The following GRM5 variants were observed in gnomAD, a reference collection of about 807,000 sequenced individuals.
GRM5 encodes metabotropic glutamate receptor 5.
In GRM5, 19 loss-of-function variants were observed where a neutral mutation model predicts 83.1. The ratio of observed to expected loss-of-function variants is 0.23; its 90% confidence interval spans 0.16 to 0.34. The LOEUF is 0.34. GRM5 is among the 10% of genes least tolerant of loss of function. The pLI is 1.00. For synonymous variants in GRM5, 675 were observed against 633.6 expected (o/e 1.07, Z -0.98); for missense variants, 1,160 against 1,588.3 (o/e 0.73, Z 4.58).
At chr11:88,972,177 A>C (rs1488548013) in intron 2 of GRM5, among the ~76,000 whole-genome samples, 1 of 152,138 alleles carries the variant, frequency 6.6e-6, no homozygotes, top group East Asian at 1.9e-4. Flanking sequence ...TCGAACCGTA[A>C]TATAAACCTC....
intron 8 of GRM5, among the ~76,000 whole-genome samples, chr11:88,534,546 G>A (rs185803836): frequency 3.0e-4 from 45 of 152,284 alleles, no homozygotes; most frequent in African/African-American, 8.7e-4. Flanking sequence ...CTGTACACCC[G>A]TTGTATCTAG....
intron 2 of GRM5, among the ~76,000 whole-genome samples, chr11:89,023,094 G>T (rs1591056260): frequency 6.6e-6 from 1 of 152,016 alleles, no homozygotes; most frequent in African/African-American, 2.4e-5. Flanking sequence ...CTGTATCACT[G>T]CACCCTCCTG....
intron 3 of GRM5, among the ~76,000 whole-genome samples, chr11:88,811,495 G>A (rs1032327637): frequency 6.6e-6 from 1 of 152,024 alleles, no homozygotes; most frequent in Non-Finnish European, 1.5e-5. Context: ...GATACAGAAA[G>A]AAGAAAATAT....
intron 2 of GRM5, among the ~76,000 whole-genome samples, chr11:88,892,552 A>G (rs1340774817): frequency 6.6e-6 from 1 of 152,054 alleles, no homozygotes; most frequent in East Asian, 1.9e-4. Context: ...TTATGCAAAT[A>G]TTCACGCCAA....
chr11:88,929,260 A>T (rs192646962), intron 2 of GRM5, among the ~76,000 whole-genome samples: 144 of 152,192 alleles, frequency 9.5e-4, no homozygotes, highest in African/African-American at 3.4e-3. Flanking sequence ...AAAGAAAATT[A>T]TTTATTAAAC....
At chr11:88,693,872 T>A (rs915385083) in intron 3 of GRM5, among the ~76,000 whole-genome samples, 1 of 152,134 alleles carries the variant, frequency 6.6e-6, no homozygotes. Flanking sequence ...CGTGATAGGA[T>A]CTTAATGGTG....
chr11:88,813,655 A>C (rs539251225), intron 3 of GRM5, among the ~76,000 whole-genome samples: 1 of 152,184 alleles, frequency 6.6e-6, no homozygotes, highest in Non-Finnish European at 1.5e-5. Flanking sequence ...CAGTTTCATG[A>C]GAAAGTGAAA....
At chr11:88,882,446 A>G (rs1212450144) in intron 2 of GRM5, among the ~76,000 whole-genome samples, 2 of 150,218 alleles carry the variant, frequency 1.3e-5, no homozygotes, top group Non-Finnish European at 3.0e-5. Flanking sequence ...CTGTAGTCCC[A>G]GCTACTCGGG....
At chr11:88,584,608 A>G (rs1017608259) in intron 7 of GRM5, among the ~76,000 whole-genome samples, 1 of 151,996 alleles carries the variant, frequency 6.6e-6, no homozygotes, top group Non-Finnish European at 1.5e-5. Flanking sequence ...GTGGCTGGCT[A>G]ATTTTTTGTA....
At chr11:88,734,788 G>A (rs1333937046) in intron 3 of GRM5, among the ~76,000 whole-genome samples, 1 of 151,954 alleles carries the variant, frequency 6.6e-6, no homozygotes, top group Non-Finnish European at 1.5e-5. Context: ...GCTAAACAAA[G>A]ACAACCAATT....
intron 8 of GRM5, among the ~76,000 whole-genome samples, chr11:88,552,193 T>C (rs1280953286): frequency 1.3e-5 from 2 of 152,014 alleles, no homozygotes; most frequent in Non-Finnish European, 2.9e-5. Flanking sequence ...TCTAGCTATT[T>C]TGTTTAATTT....
chr11:88,577,332 A>C (rs1943133484), intron 7 of GRM5, among the ~76,000 whole-genome samples: 1 of 152,120 alleles, frequency 6.6e-6, no homozygotes, highest in South Asian at 2.1e-4. Context: ...TTACAGAAAG[A>C]AAATATGGGG....
Position 88,568,192 on chromosome 11 carries a change from T to A in GRM5, c.1691-200A>T, listed in dbSNP as rs1420849690. Among the ~76,000 whole-genome samples the A allele has an allele frequency of 2.0e-5, 3 of 152,196 alleles. No homozygotes were observed. In the East Asian group the frequency reaches 5.8e-4, roughly 29 times the overall value. ...ATGATATTACTGAACATGTACATGG[T>A]CTGTGATAGGAACTATTCTAGGTTC... On this transcript the variant is annotated intron_variant, in intron 7 of 9. Transcript: ENST00000305447.
At position 88,683,108 on chromosome 11, in the gene GRM5, T is replaced by C. The variant is rs561669979; in HGVS notation, c.912-29705A>G. On this transcript the variant is annotated intron_variant, in intron 3 of 9. Coordinates refer to ENST00000305447, the MANE Select transcript of GRM5 (RefSeq NM_001143831.3). ...TGTTATTAATAAAATTTCTATCCTATTTTTCCAGGCACTTTTCCTTCTAAT... is the reference window on the plus strand; with the variant it reads ...TGTTATTAATAAAATTTCTATCCTACTTTTCCAGGCACTTTTCCTTCTAAT... Among the ~76,000 whole-genome samples, 4 of 152,276 alleles carry C rather than the reference T, an allele frequency of 2.6e-5. No individual in the cohort carries two copies. The East Asian group carries it at 7.7e-4, about 29-fold the overall frequency.
intron 8 of GRM5, among the ~76,000 whole-genome samples, chr11:88,566,813 C>G (rs772552599): frequency 6.6e-6 from 1 of 152,146 alleles, no homozygotes; most frequent in Non-Finnish European, 1.5e-5. Context: ...ACTCCCCCTA[C>G]GCTGTAACTC....
At chr11:88,671,576 G>A (rs1282819553) in intron 3 of GRM5, among the ~76,000 whole-genome samples, 1 of 151,944 alleles carries the variant, frequency 6.6e-6, no homozygotes, top group Admixed American at 6.6e-5. Flanking sequence ...ATATAATACA[G>A]TAGTAGACAG....
chr11:89,028,377 GT>G (rs1478652295), intron 2 of GRM5, among the ~76,000 whole-genome samples: 2 of 152,140 alleles, frequency 1.3e-5, no homozygotes, highest in Non-Finnish European at 2.9e-5. Context: ...GTGTCCAGGA[GT>G]TTGAGGCCAG....
intron 3 of GRM5, among the ~76,000 whole-genome samples, chr11:88,779,101 C>T (rs912567745): frequency 1.3e-5 from 2 of 152,192 alleles, no homozygotes; most frequent in African/African-American, 2.4e-5. Context: ...GAGCAATTTG[C>T]TTAAGCAACC....
chr11:89,029,056 T>A (rs572440513), intron 2 of GRM5, among the ~76,000 whole-genome samples: 1 of 152,320 alleles, frequency 6.6e-6, no homozygotes, highest in East Asian at 1.9e-4. Flanking sequence ...CTTGTGTTAG[T>A]TTGCTGAGAA....
Sources: gnomAD v4.1 joint callset for allele counts (sites outside exome capture counted in the v4.1 genomes callset) on GRCh38, gnomAD v4.1.1 for gene constraint, MANE v1.5 for transcripts, NCBI Gene and HGNC (gene_info 2026-07-23, HGNC 2026-07-21) for gene names.